Variants in IFT27 observed in about 807,000 individuals in gnomAD.
The protein encoded by IFT27 is intraflagellar transport protein 27 homolog.
In IFT27, 19 loss-of-function variants were observed where a neutral mutation model predicts 23.9. The ratio of observed to expected loss-of-function variants is 0.79; its 90% CI spans 0.55 to 1.16. The LOEUF is 1.16. Ranked by LOEUF, IFT27 falls within the 50% of genes most tolerant of loss-of-function variation. The pLI is 0.00. For missense variants in IFT27, 206 were observed against 228.7 expected (o/e 0.90, Z 0.64); for synonymous variants, 91 against 89.1 (o/e 1.02, Z -0.12).
intron 6 of IFT27, chr22:36,759,544 G>A (rs1203950184): frequency 6.6e-6 from 1 of 152,174 alleles, no homozygotes; most frequent in Non-Finnish European, 1.5e-5. Flanking sequence ...CTCTCACTCT[G>A]TTGGGTGCAC....
chr22:36,760,205 G>A (rs941113480), intron 6 of IFT27: 2 of 152,242 alleles, frequency 1.3e-5, no homozygotes, highest in African/African-American at 2.4e-5. Flanking sequence ...GTAAAACACT[G>A]CTTCCGTCGA....
At chr22:36,761,606 C>T (rs376938952) in intron 6 of IFT27, 8 of 152,294 alleles carry the variant, frequency 5.3e-5, no homozygotes, top group African/African-American at 1.7e-4. Flanking sequence ...GTTTTATATG[C>T]GACATATTAC....
chr22:36,770,769 C>T (rs917197807), intron 1 of IFT27, among the ~76,000 whole-genome samples: 4 of 152,184 alleles, frequency 2.6e-5, no homozygotes, highest in African/African-American at 7.2e-5. Context: ...CTCGGCCCTC[C>T]CTGCTGACCC....
intron 1 of IFT27, 70 bp downstream of exon 1, chr22:36,775,604 G>T: frequency 6.5e-7 from 1 of 1,543,130 alleles, no homozygotes; most frequent in Non-Finnish European, 9.0e-7. Context: ...GTGAACAAAA[G>T]CTCTGGATGA....
At chr22:36,765,502 A>T (rs1175259070) in intron 4 of IFT27, among the ~76,000 whole-genome samples, 1 of 152,244 alleles carries the variant, frequency 6.6e-6, no homozygotes, top group Non-Finnish European at 1.5e-5. Context: ...CAACAAAAAA[A>T]AAGGGGCAGA....
At chr22:36,763,698 G>C in intron 5 of IFT27, 1 of 637,126 alleles carries the variant, frequency 1.6e-6, no homozygotes, top group East Asian at 2.8e-5. Flanking sequence ...GCCCTGCCAG[G>C]TGCGTGTCCT....
At chr22:36,763,099 G>A in intron 5 of IFT27, 86 bp from the exon 6 acceptor site, 1 of 941,154 alleles carries the variant, frequency 1.1e-6, no homozygotes, top group South Asian at 1.9e-5. Flanking sequence ...TATTTTTGAG[G>A]GGTGTAAAGC....
intron 4 of IFT27, 86 bp downstream of exon 4, chr22:36,766,052 A>G: frequency 9.5e-7 from 1 of 1,056,370 alleles, no homozygotes. Context: ...AGCACAGTGC[A>G]GGGAAACTGC....
chr22:36,771,025 C>T (rs1021990530), intron 1 of IFT27, among the ~76,000 whole-genome samples: 1 of 152,174 alleles, frequency 6.6e-6, no homozygotes, highest in Admixed American at 6.5e-5. Context: ...ACCCCAGCAG[C>T]ACTAACTGCT....
chr22:36,771,654 C>G (rs140452326), intron 1 of IFT27, among the ~76,000 whole-genome samples: 1 of 152,372 alleles, frequency 6.6e-6, no homozygotes, highest in East Asian at 1.9e-4. Flanking sequence ...GCCCGCCAAT[C>G]TGTGTCAACT....
At chr22:36,760,089 T>G (rs1938041254) in intron 6 of IFT27, 1 of 152,244 alleles carries the variant, frequency 6.6e-6, no homozygotes, top group Admixed American at 6.5e-5. Flanking sequence ...GCCAAGGACT[T>G]GAAAGCCATC....
intron 4 of IFT27, among the ~76,000 whole-genome samples, chr22:36,764,963 G>C (rs539507631): frequency 5.3e-5 from 8 of 152,220 alleles, no homozygotes; most frequent in African/African-American, 1.7e-4. Flanking sequence ...GTACAGAAGA[G>C]AATCCTTTTC....
chr22:36,771,056 G>T (rs1359701575), intron 1 of IFT27, among the ~76,000 whole-genome samples: 1 of 152,154 alleles, frequency 6.6e-6, no homozygotes, highest in Non-Finnish European at 1.5e-5. Context: ...GGGTGTGTGT[G>T]TGTGTGTGTG....
chr22:36,771,704 A>G (rs965867310), intron 1 of IFT27, among the ~76,000 whole-genome samples: 3 of 152,224 alleles, frequency 2.0e-5, no homozygotes, highest in Non-Finnish European at 4.4e-5. Flanking sequence ...CCAACACTTG[A>G]TGAAGCAATT....
At position 36,775,730 on chromosome 22, in the gene IFT27, C is replaced by A. The variant is rs1355813403; in HGVS notation, c.-23G>T. On this transcript the variant is annotated 5_prime_UTR_variant, in exon 1 of 7. Coordinates refer to ENST00000433985, the MANE Select transcript of IFT27 (RefSeq NM_001177701.3). ...CATGGTAACCAACACTCCCGCGAGC[C>A]GTACCCAGAGGACAAGAGCGGCTGC... 6.2e-7 allele frequency: 1 copy of A among 1,614,026 alleles called. No homozygotes were observed. The highest frequency in any genetic ancestry group is 1.3e-5 in the African/African-American group (1 of 74,918).
chr22:36,763,669 G>A (rs545298157), intron 5 of IFT27: 37 of 576,976 alleles, frequency 6.4e-5, no homozygotes, highest in African/African-American at 3.5e-4. Flanking sequence ...GCACCCTCCC[G>A]TTATTGAGTC....
Position 36,767,319 on chromosome 22 carries a change from G to T in IFT27, c.161C>A (p.Thr54Lys). Residue 54 changes from threonine to lysine, a missense_variant, in exon 3 of 7, where the codon ACG becomes AAG. Transcript: ENST00000433985. ...LVVKTVPVPD[T>K]GDSVELFIFD... ...GGCATCACTCACCACACTGTCTCCC[G>T]TGTCAGGAACTGGCACTGTCTTCAC... is the stretch of plus-strand genomic sequence containing the variant. The T allele has an allele frequency of 6.2e-7, 1 of 1,613,736 alleles. No homozygotes were observed. The highest frequency in any genetic ancestry group is 8.5e-7 in the Non-Finnish European group (1 of 1,179,780).
intron 1 of IFT27, among the ~76,000 whole-genome samples, chr22:36,771,321 T>C (rs1475404730): frequency 6.6e-6 from 1 of 152,214 alleles, no homozygotes; most frequent in Non-Finnish European, 1.5e-5. Flanking sequence ...CACATCCTAC[T>C]GAAATCCTCA....
At chr22:36,764,534 A>G (rs76056098) in intron 4 of IFT27, among the ~76,000 whole-genome samples, 4,548 of 152,328 alleles carry the variant, frequency 0.03, 207 homozygotes, top group African/African-American at 0.1. Context: ...GCCCACCACC[A>G]TGCAAGTTAC....
Sources: allele counts gnomAD v4.1 joint callset (sites outside exome capture counted in the v4.1 genomes callset), GRCh38; gene constraint gnomAD v4.1.1; transcripts MANE v1.5; gene names NCBI Gene and HGNC (gene_info 2026-07-23, HGNC 2026-07-21).